Variants in RAP1GAP2 observed in about 807,000 individuals in gnomAD.
The protein encoded by RAP1GAP2 is rap1 GTPase-activating protein 2.
RAP1GAP2 carries 27 observed loss-of-function variants against 95.0 expected under a neutral mutation model. The observed-to-expected ratio is 0.28, with a 90% confidence interval of 0.21 to 0.39. RAP1GAP2 has a LOEUF of 0.39. Ranked by LOEUF, RAP1GAP2 falls within the 10% of genes least tolerant of loss-of-function variation. The pLI is 1.00. For missense variants in RAP1GAP2, 771 were observed against 970.0 expected, an observed-to-expected ratio of 0.79 and a Z score of 2.72; for synonymous variants, 373 against 380.9, an observed-to-expected ratio of 0.98 and a Z score of 0.24.
intron 17 of RAP1GAP2, among the ~76,000 whole-genome samples, chr17:3,016,602 A>T (rs898803954): frequency 7.9e-5 from 12 of 152,210 alleles, no homozygotes; most frequent in African/African-American, 2.9e-4. Flanking sequence ...TGTCCTACAC[A>T]TCTCGACTTT....
chr17:2,961,431 C>A (rs1241635021), intron 4 of RAP1GAP2, among the ~76,000 whole-genome samples: 1 of 152,164 alleles, frequency 6.6e-6, no homozygotes, highest in Non-Finnish European at 1.5e-5. Flanking sequence ...AGGAGAATTG[C>A]TTGAACCTGG....
At chr17:2,790,148 C>G (rs2068887508) in intron 1 of RAP1GAP2, among the ~76,000 whole-genome samples, 1 of 151,828 alleles carries the variant, frequency 6.6e-6, no homozygotes, top group African/African-American at 2.4e-5. Context: ...GAGTCTCCCT[C>G]TGTCACCAGG....
chr17:2,959,838 C>T (rs893080710), intron 4 of RAP1GAP2, among the ~76,000 whole-genome samples: 1 of 152,106 alleles, frequency 6.6e-6, no homozygotes, highest in African/African-American at 2.4e-5. Flanking sequence ...AGATAATACC[C>T]ATTGTGGCCA....
intron 11 of RAP1GAP2, among the ~76,000 whole-genome samples, chr17:2,987,230 C>T (rs1226503791): frequency 1.3e-5 from 2 of 152,266 alleles, no homozygotes; most frequent in Non-Finnish European, 2.9e-5. Context: ...CAGACATTCA[C>T]AGACCATATC....
At chr17:2,998,866 T>C (rs1443582091) in intron 14 of RAP1GAP2, among the ~76,000 whole-genome samples, 3 of 151,624 alleles carry the variant, frequency 2.0e-5, no homozygotes, top group Non-Finnish European at 2.9e-5. Flanking sequence ...AAGGCAGAGC[T>C]GGAATAAAGA....
chr17:2,997,499 C>T (rs2046000215), intron 13 of RAP1GAP2, among the ~76,000 whole-genome samples: 1 of 152,190 alleles, frequency 6.6e-6, no homozygotes, highest in African/African-American at 2.4e-5. Flanking sequence ...GGGCAAGACC[C>T]CGCCTTGCCT....
intron 1 of RAP1GAP2, among the ~76,000 whole-genome samples, chr17:2,787,342 C>A (rs541041153): frequency 6.6e-6 from 1 of 150,896 alleles, no homozygotes; most frequent in South Asian, 2.1e-4. Context: ...GCAGCCCCAA[C>A]CTCCTGGGCT....
chr17:2,888,772 C>T (rs1193729209), intron 2 of RAP1GAP2, among the ~76,000 whole-genome samples: 1 of 151,428 alleles, frequency 6.6e-6, no homozygotes, highest in Non-Finnish European at 1.5e-5. Context: ...CGGCCTCAGC[C>T]TCCCAAGTAG....
intron 3 of RAP1GAP2, among the ~76,000 whole-genome samples, chr17:2,944,019 C>T (rs987037061): frequency 5.3e-5 from 8 of 152,110 alleles, no homozygotes; most frequent in African/African-American, 9.6e-5. Flanking sequence ...TGGTGGTGTC[C>T]GCCCCTGTAA....
At chr17:2,936,059 C>G (rs927832935) in intron 3 of RAP1GAP2, among the ~76,000 whole-genome samples, 6 of 151,658 alleles carry the variant, frequency 4.0e-5, no homozygotes, top group African/African-American at 1.5e-4. Flanking sequence ...CCGCCATCTC[C>G]TCTCCCTGTC....
At chr17:2,839,045 G>A (rs1222840709) in intron 2 of RAP1GAP2, among the ~76,000 whole-genome samples, 1 of 152,132 alleles carries the variant, frequency 6.6e-6, no homozygotes, top group Non-Finnish European at 1.5e-5. Context: ...GCTCAGGCCT[G>A]TAATCCCAGC....
chr17:2,912,272 G>A (rs1374241789), intron 3 of RAP1GAP2, among the ~76,000 whole-genome samples: 1 of 152,094 alleles, frequency 6.6e-6, no homozygotes, highest in Non-Finnish European at 1.5e-5. Context: ...ATTACCCACC[G>A]GCCACCCTCT....
intron 1 of RAP1GAP2, among the ~76,000 whole-genome samples, chr17:2,758,179 CCCT>C (rs1373117614): frequency 7.1e-6 from 1 of 140,028 alleles, no homozygotes; most frequent in Non-Finnish European, 1.6e-5. Context: ...ACGCCCCCCC[CCCT>C]TTTTTTTTTT....
At chr17:3,019,663 A>G (rs2046888830) in intron 18 of RAP1GAP2, among the ~76,000 whole-genome samples, 1 of 152,166 alleles carries the variant, frequency 6.6e-6, no homozygotes, top group South Asian at 2.1e-4. Flanking sequence ...TTGACTAAAT[A>G]TTTTCCTAGC....
chr17:2,777,107 A>C (rs967816343), exon 1 of RAP1GAP2: 1 of 152,394 alleles, frequency 6.6e-6, no homozygotes, highest in African/African-American at 2.4e-5. Flanking sequence ...TGCGTTCCGG[A>C]GGAGCCATCC....
In RAP1GAP2 at chr17:3,026,929, T is replaced by A. The variant is rs4790114; in HGVS notation, c.1981-15T>A. ...GAGGGTGGGCTGGCCTCGCTCACCC[T>A]GCCTCTCTCCTCAGGGCAGCCAGCC... On this transcript the variant is annotated splice_polypyrimidine_tract_variant and intron_variant, in intron 21 of 24. Transcript: ENST00000254695. 1.3e-6 allele frequency: 2 copies of A among 1,548,708 alleles called. No homozygotes were observed. Among genetic ancestry groups the A allele is most frequent in the Non-Finnish European group, 1.7e-6 (2 of 1,145,498 alleles).
intron 1 of RAP1GAP2, among the ~76,000 whole-genome samples, chr17:2,767,246 C>T (rs1344119463): frequency 1.3e-5 from 2 of 151,186 alleles, no homozygotes; most frequent in East Asian, 3.9e-4. Flanking sequence ...CCTGTAATCC[C>T]AGCTGCTTGG....
At chr17:2,816,125 TAGGC>T (rs1285949229) in intron 2 of RAP1GAP2, among the ~76,000 whole-genome samples, 2 of 151,600 alleles carry the variant, frequency 1.3e-5, no homozygotes, top group Non-Finnish European at 2.9e-5. Flanking sequence ...CTGGTAAAAA[TAGGC>T]GGGGGAGGGA....
At chr17:2,885,459 C>G (rs988768124) in intron 2 of RAP1GAP2, among the ~76,000 whole-genome samples, 2 of 152,196 alleles carry the variant, frequency 1.3e-5, no homozygotes, top group East Asian at 3.9e-4. Context: ...TCCACAGGAG[C>G]CAGGAGCTGT....
Sources: gnomAD v4.1 joint callset for allele counts (sites outside exome capture counted in the v4.1 genomes callset) on GRCh38, gnomAD v4.1.1 for gene constraint, MANE v1.5 for transcripts, NCBI Gene and HGNC (gene_info 2026-07-23, HGNC 2026-07-21) for gene names.